HECW2: variants seen among roughly 807,000 people sequenced by gnomAD.
The protein encoded by HECW2 is HECT, C2 and WW domain containing E3 ubiquitin protein ligase 2, also known as E3 ubiquitin-protein ligase HECW2.
Under a neutral mutation model 175.2 loss-of-function variants are expected in HECW2, and 61 were observed. The ratio of observed to expected loss-of-function variants is 0.35; its 90% CI spans 0.28 to 0.43. The LOEUF is 0.43. HECW2 is among the 20% of genes least tolerant of loss of function. The pLI, the probability that HECW2 is intolerant of heterozygous loss-of-function variation, is 1.00. For missense variants in HECW2, 1,524 were observed against 2,000.5 expected, an observed-to-expected ratio of 0.76 and a Z score of 4.54; for synonymous variants, 671 against 731.0, an observed-to-expected ratio of 0.92 and a Z score of 1.32.
chr2:196,382,546 T>C (rs1336241083), intron 2 of HECW2, among the ~76,000 whole-genome samples: 1 of 152,110 alleles, frequency 6.6e-6, no homozygotes. Flanking sequence ...TCAGATTTTG[T>C]AAATCTCTAG....
intron 8 of HECW2, 128 bp downstream of exon 8, chr2:196,320,211 T>C: frequency 3.0e-6 from 2 of 670,192 alleles, no homozygotes; most frequent in Admixed American, 2.8e-5. Flanking sequence ...AGGTAATTAT[T>C]TGACAGCTAT....
At chr2:196,271,046 G>A (rs1015225552) in intron 17 of HECW2, 147 bp downstream of exon 17, 17 of 615,036 alleles carry the variant, frequency 2.8e-5, no homozygotes, top group South Asian at 2.0e-4. Flanking sequence ...TACAATACCT[G>A]GTGATGATGA....
At chr2:196,256,556 T>C (rs1301425637) in intron 18 of HECW2, among the ~76,000 whole-genome samples, 1 of 152,238 alleles carries the variant, frequency 6.6e-6, no homozygotes, top group East Asian at 1.9e-4. Flanking sequence ...TTATGACTTC[T>C]GTTTTTACTA....
intron 2 of HECW2, among the ~76,000 whole-genome samples, chr2:196,358,997 T>G (rs1431138696): frequency 1.3e-5 from 2 of 152,198 alleles, no homozygotes; most frequent in Non-Finnish European, 2.9e-5. Flanking sequence ...AAGAACCAGA[T>G]GGAGGTGCCC....
At chr2:196,521,976 A>C (rs1688413025) in intron 1 of HECW2, among the ~76,000 whole-genome samples, 1 of 152,168 alleles carries the variant, frequency 6.6e-6, no homozygotes, top group African/African-American at 2.4e-5. Flanking sequence ...AGCATGATTT[A>C]TAGTCCTTTG....
chr2:196,487,427 C>G (rs1467361239), intron 1 of HECW2, among the ~76,000 whole-genome samples: 1 of 152,158 alleles, frequency 6.6e-6, no homozygotes, highest in Non-Finnish European at 1.5e-5. Flanking sequence ...TGATAATGCT[C>G]AAGTTAGATC....
chr2:196,325,296 C>A, intron 5 of HECW2, 147 bp from the exon 6 acceptor site: 32 of 377,692 alleles, frequency 8.5e-5, no homozygotes, highest in Non-Finnish European at 1.0e-4. Flanking sequence ...ATAATTTGTT[C>A]TTAAATAAAC....
At chr2:196,330,001 T>G (rs1346390790) in intron 4 of HECW2, among the ~76,000 whole-genome samples, 1 of 152,180 alleles carries the variant, frequency 6.6e-6, no homozygotes, top group Non-Finnish European at 1.5e-5. Context: ...AAACATCAAG[T>G]TCCTTCAGAT....
chr2:196,412,264 T>C (rs1423252064), intron 2 of HECW2, among the ~76,000 whole-genome samples: 5 of 152,210 alleles, frequency 3.3e-5, no homozygotes, highest in African/African-American at 4.8e-5. Flanking sequence ...AAATCTGTTC[T>C]AAGCCTCTTT....
chr2:196,294,859 A>AC (rs1366741730), intron 13 of HECW2, among the ~76,000 whole-genome samples: 5 of 152,166 alleles, frequency 3.3e-5, no homozygotes, highest in African/African-American at 1.2e-4. Context: ...GACCCTGATA[A>AC]CCTGACTTGG....
intron 1 of HECW2, among the ~76,000 whole-genome samples, chr2:196,545,187 C>T (rs994164733): frequency 6.6e-6 from 1 of 152,170 alleles, no homozygotes; most frequent in Non-Finnish European, 1.5e-5. Flanking sequence ...CTCCCTCTTA[C>T]GAAATCACAA....
chr2:196,243,287 C>A (rs1233155193), intron 19 of HECW2, among the ~76,000 whole-genome samples: 1 of 151,658 alleles, frequency 6.6e-6, no homozygotes, highest in Non-Finnish European at 1.5e-5. Flanking sequence ...CCTGCCTCAG[C>A]CTACTGAGTA....
At chr2:196,203,106 A>G (rs1252580238) in intron 28 of HECW2, among the ~76,000 whole-genome samples, 1 of 152,128 alleles carries the variant, frequency 6.6e-6, no homozygotes, top group Non-Finnish European at 1.5e-5. Context: ...GGAGCATTTT[A>G]GATTTAAAAT....
Position 196,228,055 on chromosome 2 carries a change from A to G in HECW2, c.3917+47T>C, listed in dbSNP as rs368559289. The G allele has an allele frequency of 1.3e-5, 19 of 1,468,918 alleles. 1 individual carries two copies. In the African/African-American group the frequency reaches 2.7e-4, roughly 21 times the overall value. 91.0% of individuals were successfully genotyped at this position (1,468,918 alleles called of 1,614,324 possible). On this transcript the variant is annotated intron_variant, in intron 22 of 28. Coordinates refer to ENST00000644978, the MANE Select transcript of HECW2 (RefSeq NM_001348768.2). ...ATGTGGGTTCTATAAAAAAACTAAT[A>G]TCATAGGAAATCGCCTGAAGAAAAG...
intron 1 of HECW2, among the ~76,000 whole-genome samples, chr2:196,581,186 A>G (rs1690767604): frequency 6.6e-6 from 1 of 152,170 alleles, no homozygotes; most frequent in Admixed American, 6.5e-5. Context: ...AGGTGATGAA[A>G]AGGTTCAGGA....
chr2:196,393,521 G>A (rs1694573081), intron 2 of HECW2, among the ~76,000 whole-genome samples: 1 of 152,132 alleles, frequency 6.6e-6, no homozygotes, highest in South Asian at 2.1e-4. Flanking sequence ...CTCAAAAGAA[G>A]ACATTTATGA....
chr2:196,238,234 A>G (rs1688322644), intron 21 of HECW2, among the ~76,000 whole-genome samples: 1 of 152,142 alleles, frequency 6.6e-6, no homozygotes, highest in Non-Finnish European at 1.5e-5. Context: ...GTCTCAAAAA[A>G]CAAAACAAAA....
At chr2:196,479,377 G>A (rs1686771307) in intron 1 of HECW2, among the ~76,000 whole-genome samples, 1 of 152,238 alleles carries the variant, frequency 6.6e-6, no homozygotes, top group Admixed American at 6.5e-5. Flanking sequence ...GCTTTCATCA[G>A]TAAGGAGTTT....
chr2:196,544,477 T>C (rs1689341048), intron 1 of HECW2, among the ~76,000 whole-genome samples: 1 of 152,060 alleles, frequency 6.6e-6, no homozygotes, highest in Non-Finnish European at 1.5e-5. Flanking sequence ...ACTCCCCAAC[T>C]CCTGATTGCT....
Sources: gnomAD v4.1 joint callset for allele counts (sites outside exome capture counted in the v4.1 genomes callset) on GRCh38, gnomAD v4.1.1 for gene constraint, MANE v1.5 for transcripts, NCBI Gene and HGNC (gene_info 2026-07-23, HGNC 2026-07-21) for gene names.